Variants in ADGRB3 observed in about 807,000 individuals in gnomAD.
ADGRB3 encodes adhesion G protein-coupled receptor B3.
Under a neutral mutation model 193.4 loss-of-function variants are expected in ADGRB3, and 37 were observed. That is an observed-to-expected ratio of 0.19 (90% confidence interval 0.15 to 0.25). The LOEUF (loss-of-function observed/expected upper bound fraction) is 0.25. Among genes scored for constraint, ADGRB3 ranks in the 10% least tolerant of loss-of-function variants. The pLI, the probability that ADGRB3 is intolerant of heterozygous loss-of-function variation, is 1.00. For missense variants in ADGRB3, 1,637 were observed against 1,852.9 expected (o/e 0.88, Z 2.14); for synonymous variants, 690 against 644.2 (o/e 1.07, Z -1.08).
At position 68,841,967 on chromosome 6, in the gene ADGRB3, T is replaced by G. The variant is rs191158765; in HGVS notation, c.758-88592T>G. ...CCTAGTATTTTAGCACAACAGGATG[T>G]CTATAGTCAATAATAATTTAATTGT... On this transcript the variant is annotated intron_variant, in intron 3 of 31. Transcript: ENST00000370598. 6.6e-4 allele frequency among the ~76,000 whole-genome samples: 101 copies of G among 152,102 alleles called. 1 individual carries two copies. The highest frequency in any genetic ancestry group is 2.2e-3 in the African/African-American group (90 of 41,552).
chr6:68,815,532 C>A (rs934399944), intron 3 of ADGRB3, among the ~76,000 whole-genome samples: 2 of 151,276 alleles, frequency 1.3e-5, no homozygotes, highest in Non-Finnish European at 2.9e-5. Context: ...TTTTGATAAT[C>A]CAGGTATACT....
chr6:69,336,392 C>G (rs903835116), intron 24 of ADGRB3, among the ~76,000 whole-genome samples: 5 of 148,954 alleles, frequency 3.4e-5, no homozygotes, highest in African/African-American at 1.3e-4. Context: ...TACTAGTACC[C>G]TTTACAAATT....
chr6:68,906,563 T>A (rs1766554574), intron 3 of ADGRB3, among the ~76,000 whole-genome samples: 1 of 151,990 alleles, frequency 6.6e-6, no homozygotes, highest in Non-Finnish European at 1.5e-5. Context: ...AATGGTCAAA[T>A]TGTTAAAAGA....
intron 8 of ADGRB3, among the ~76,000 whole-genome samples, chr6:68,960,463 T>C (rs1371478189): frequency 6.6e-6 from 1 of 152,134 alleles, no homozygotes; most frequent in Non-Finnish European, 1.5e-5. Context: ...ACACTTGTAT[T>C]AGGATTTGGT....
rs547421042 is a variant in ADGRB3 at position 69,314,873 on chromosome 6, C to T, written c.2815-9999C>T. Among the ~76,000 whole-genome samples, 7 of 151,596 alleles carry T rather than the reference C, an allele frequency of 4.6e-5. No individual in the cohort carries two copies. In the East Asian group the frequency reaches 1.4e-3, roughly 30 times the overall value. On this transcript the variant is annotated intron_variant, in intron 20 of 31. Coordinates refer to ENST00000370598, the MANE Select transcript of ADGRB3 (RefSeq NM_001704.3). ...TTTAATTTTATGAAATGAACCTTGTCTTCACAATGCCTATTGGTTTTAGTG... is the reference window on the plus strand; with the variant it reads ...TTTAATTTTATGAAATGAACCTTGTTTTCACAATGCCTATTGGTTTTAGTG...
chr6:68,956,856 A>G (rs1582347385), intron 8 of ADGRB3, 47 bp downstream of exon 8: 1 of 199,076 alleles, frequency 5.0e-6, no homozygotes, highest in Non-Finnish European at 6.5e-6. Flanking sequence ...TCATAACGTG[A>G]AAAAAAAAAG....
At chr6:68,727,982 C>G (rs1248237944) in intron 3 of ADGRB3, among the ~76,000 whole-genome samples, 6 of 151,462 alleles carry the variant, frequency 4.0e-5, no homozygotes, top group Non-Finnish European at 5.9e-5. Flanking sequence ...ATTTATTTCT[C>G]AGGAGCTTAA....
intron 17 of ADGRB3, among the ~76,000 whole-genome samples, chr6:69,147,949 A>G (rs954997770): frequency 2.6e-5 from 4 of 151,564 alleles, no homozygotes; most frequent in Non-Finnish European, 5.9e-5. Flanking sequence ...TGATACAACT[A>G]CTCCTTCTCT....
chr6:69,382,810 C>T, intron 30 of ADGRB3, 21 bp from the exon 31 acceptor site: 1 of 1,513,142 alleles, frequency 6.6e-7, no homozygotes, highest in African/African-American at 1.4e-5. Flanking sequence ...GGGATGAGAG[C>T]TATCTTGTTC....
chr6:68,715,483 A>G (rs1338744420), intron 3 of ADGRB3, among the ~76,000 whole-genome samples: 4 of 151,774 alleles, frequency 2.6e-5, no homozygotes, highest in East Asian at 3.9e-4. Context: ...GGAGAAGGGC[A>G]TGACTTTGCC....
Position 69,319,276 on chromosome 6 carries a change from G to T in ADGRB3, c.2815-5596G>T, listed in dbSNP as rs187354872. On this transcript the variant is annotated intron_variant, in intron 20 of 31. Transcript: ENST00000370598. ...ATTTAAAAGCTTTTTCCTCCAAAAGGTGCAGAATTTTAATTTTGATTTCTA... is the reference window on the plus strand; with the variant it reads ...ATTTAAAAGCTTTTTCCTCCAAAAGTTGCAGAATTTTAATTTTGATTTCTA... Among the ~76,000 whole-genome samples, 71 of 151,148 alleles carry T rather than the reference G, an allele frequency of 4.7e-4. 1 individual carries two copies. Among genetic ancestry groups the T allele is most frequent in the African/African-American group, 1.6e-3 (66 of 41,418 alleles).
At chr6:69,214,000 T>C (rs1582550652) in intron 17 of ADGRB3, among the ~76,000 whole-genome samples, 1 of 151,992 alleles carries the variant, frequency 6.6e-6, no homozygotes, top group East Asian at 1.9e-4. Flanking sequence ...CACTATACAA[T>C]ATGCTATTTA....
At chr6:69,125,591 ACCTTGATCTTGAACTT>A (rs1773830227) in intron 17 of ADGRB3, among the ~76,000 whole-genome samples, 1 of 152,124 alleles carries the variant, frequency 6.6e-6, no homozygotes, top group African/African-American at 2.4e-5. Flanking sequence ...ATCTGCTGTC[ACCTTGATCTTGAACTT>A]CCCAGGCTTC....
chr6:69,195,185 T>C (rs560815680), intron 17 of ADGRB3, among the ~76,000 whole-genome samples: 140 of 152,178 alleles, frequency 9.2e-4, no homozygotes, highest in African/African-American at 3.2e-3. Context: ...GTTTCGTTAA[T>C]GGAAATATTT....
Position 69,245,489 on chromosome 6 carries a change from A to G in ADGRB3, c.2814+6263A>G, listed in dbSNP as rs565738803. On this transcript the variant is annotated intron_variant, in intron 20 of 31. Transcript: ENST00000370598. ...ACTTCTGGAGCTTGTAAAACCTGAG[A>G]AAAAGCAGATCTTAAAAATGGCCCA... Among the ~76,000 whole-genome samples the G allele has an allele frequency of 8.5e-5, 13 of 152,244 alleles. No individual in the cohort carries two copies. In the South Asian group the frequency reaches 2.3e-3, roughly 27 times the overall value.
chr6:69,229,030 G>C (rs530356380), intron 17 of ADGRB3, among the ~76,000 whole-genome samples: 1 of 152,184 alleles, frequency 6.6e-6, no homozygotes, highest in East Asian at 1.9e-4. Flanking sequence ...TGCTCTTCAG[G>C]TAATTTTAAT....
chr6:69,316,867 C>CGGTT (rs913956332), intron 20 of ADGRB3, among the ~76,000 whole-genome samples: 9 of 151,444 alleles, frequency 5.9e-5, no homozygotes, highest in African/African-American at 2.2e-4. Flanking sequence ...GAATACTGGA[C>CGGTT]GGTTGGTTGG....
intron 24 of ADGRB3, among the ~76,000 whole-genome samples, chr6:69,338,431 A>G (rs1768899283): frequency 6.6e-6 from 1 of 152,202 alleles, no homozygotes. Context: ...TCTTCAACAA[A>G]TAATTGAAGA....
chr6:69,168,454 C>A (rs1328675888), intron 17 of ADGRB3, among the ~76,000 whole-genome samples: 1 of 152,126 alleles, frequency 6.6e-6, no homozygotes, highest in Non-Finnish European at 1.5e-5. Flanking sequence ...CCAAGTGTGA[C>A]ATTGATGGAG....
Sources: allele counts gnomAD v4.1 joint callset (sites outside exome capture counted in the v4.1 genomes callset), GRCh38; gene constraint gnomAD v4.1.1; transcripts MANE v1.5; gene names NCBI Gene and HGNC (gene_info 2026-07-23, HGNC 2026-07-21).